DHX57: variants seen among roughly 807,000 people sequenced by gnomAD.
DHX57 encodes the protein DExH-box helicase 57, also known as putative ATP-dependent RNA helicase DHX57.
Under a neutral mutation model 156.2 loss-of-function variants are expected in DHX57, and 105 were observed. The ratio of observed to expected loss-of-function variants is 0.67; its 90% CI spans 0.57 to 0.79. DHX57 has a LOEUF of 0.79. DHX57 is among the 30% of genes least tolerant of loss of function. The pLI is 0.00. For missense variants in DHX57, 1,847 were observed against 1,661.9 expected, an observed-to-expected ratio of 1.11 and a Z score of -1.94; for synonymous variants, 704 against 595.6, an observed-to-expected ratio of 1.18 and a Z score of -2.65.
chr2:38,863,545 A>T (rs371716474), intron 2 of DHX57, 26 bp from the exon 3 acceptor site: 130 of 1,602,882 alleles, frequency 8.1e-5, no homozygotes, highest in Middle Eastern at 1.7e-4. Context: ...GAGCAAAATT[A>T]CACACATATC....
At chr2:38,836,793 A>G (rs974675338) in intron 13 of DHX57, among the ~76,000 whole-genome samples, 4 of 149,614 alleles carry the variant, frequency 2.7e-5, no homozygotes, top group Admixed American at 1.4e-4. Flanking sequence ...AAAAAAAAAA[A>G]AAAAGAAACA....
intron 22 of DHX57, among the ~76,000 whole-genome samples, chr2:38,804,414 T>G (rs1354832605): frequency 6.6e-6 from 1 of 152,062 alleles, no homozygotes; most frequent in Non-Finnish European, 1.5e-5. Flanking sequence ...CCCTTGAACC[T>G]GGGAAGTGGA....
chr2:38,873,398 T>C (rs1289788663), intron 1 of DHX57, among the ~76,000 whole-genome samples: 1 of 152,244 alleles, frequency 6.6e-6, no homozygotes, highest in Admixed American at 6.5e-5. Flanking sequence ...CTCACAAATA[T>C]GTGTATATTA....
chr2:38,837,344 C>G (rs1358354581), intron 13 of DHX57, among the ~76,000 whole-genome samples: 1 of 152,010 alleles, frequency 6.6e-6, no homozygotes, highest in Non-Finnish European at 1.5e-5. Context: ...GGCACGGTGG[C>G]TCACGCCAAT....
intron 17 of DHX57, among the ~76,000 whole-genome samples, chr2:38,820,338 T>A (rs1018358268): frequency 6.6e-6 from 1 of 151,954 alleles, no homozygotes; most frequent in Non-Finnish European, 1.5e-5. Flanking sequence ...TTTTTTTTTT[T>A]CTTCAGATCA....
intron 2 of DHX57, among the ~76,000 whole-genome samples, chr2:38,867,918 A>T (rs1665162410): frequency 6.6e-6 from 1 of 152,218 alleles, no homozygotes; most frequent in Non-Finnish European, 1.5e-5. Flanking sequence ...AATACTTAAA[A>T]TAATTTTCAT....
intron 1 of DHX57, among the ~76,000 whole-genome samples, chr2:38,875,279 G>C (rs1161369179): frequency 2.0e-5 from 3 of 152,172 alleles, no homozygotes; most frequent in Non-Finnish European, 4.4e-5. Context: ...AAGTTTGGCT[G>C]TAAGAGTATT....
chr2:38,855,180 G>A lies in DHX57; in HGVS notation c.1782C>T (p.Ala594=). ...GTCGGGGTTGGGTACAGATGATGTT[G>A]GCTACCTTCTCAGGTGGTCCATTCA... ...DSLNGPPEKV[A]NIICTQPRRI... is the part of the protein sequence containing the mutation. Residue 594 remains alanine (A), a synonymous_variant, in exon 8 of 24, where the codon GCC becomes GCT. Coordinates refer to ENST00000457308, the MANE Select transcript of DHX57 (RefSeq NM_198963.3). 1 of 1,614,106 alleles carries A rather than the reference G, an allele frequency of 6.2e-7. No individual in the cohort carries two copies. Among genetic ancestry groups the A allele is most frequent in the South Asian group, 1.1e-5 (1 of 91,082 alleles).
At chr2:38,810,525 C>T in intron 21 of DHX57, 3 of 562,354 alleles carry the variant, frequency 5.3e-6, no homozygotes, top group Non-Finnish European at 1.0e-5. Context: ...GACTGGCTGG[C>T]TCATCATTGC....
chr2:38,866,650 G>C (rs1665085940), intron 2 of DHX57, among the ~76,000 whole-genome samples: 1 of 152,162 alleles, frequency 6.6e-6, no homozygotes, highest in South Asian at 2.1e-4. Flanking sequence ...CCCTAAAACA[G>C]TGCCTGGTGC....
At chr2:38,872,804 TAATGGTAGAAC>T (rs918983402) in intron 1 of DHX57, among the ~76,000 whole-genome samples, 1 of 152,152 alleles carries the variant, frequency 6.6e-6, no homozygotes, top group Admixed American at 6.5e-5. Context: ...ACCTCACTTT[TAATGGTAGAAC>T]AACTAGACAG....
chr2:38,874,974 G>C (rs1188296423), intron 1 of DHX57, among the ~76,000 whole-genome samples: 1 of 152,138 alleles, frequency 6.6e-6, no homozygotes, highest in Non-Finnish European at 1.5e-5. Context: ...ATGCAGCCCA[G>C]GTAAATTTGT....
At chr2:38,807,373 T>C (rs1356723764) in intron 21 of DHX57, among the ~76,000 whole-genome samples, 1 of 151,978 alleles carries the variant, frequency 6.6e-6, no homozygotes, top group Non-Finnish European at 1.5e-5. Context: ...TAACTTTTTT[T>C]TTGAGACGTA....
chr2:38,836,816 G>A (rs1439463380), intron 13 of DHX57, among the ~76,000 whole-genome samples: 1 of 149,998 alleles, frequency 6.7e-6, no homozygotes, highest in Non-Finnish European at 1.5e-5. Flanking sequence ...AGAGAATACA[G>A]TATGTAATAC....
chr2:38,810,680 A>T, intron 21 of DHX57: 1 of 696,734 alleles, frequency 1.4e-6, no homozygotes, highest in Non-Finnish European at 2.6e-6. Context: ...TGGTGGGCAA[A>T]GTCACACTGA....
intron 4 of DHX57, 102 bp downstream of exon 4, chr2:38,862,043 A>C: frequency 7.3e-7 from 1 of 1,365,764 alleles, no homozygotes; most frequent in Admixed American, 2.6e-5. Flanking sequence ...GCATTGCTGG[A>C]ACCCACATAA....
At chr2:38,841,873 A>G (rs1052642939) in intron 12 of DHX57, among the ~76,000 whole-genome samples, 1 of 152,198 alleles carries the variant, frequency 6.6e-6, no homozygotes, top group Non-Finnish European at 1.5e-5. Flanking sequence ...ACCTAATAAC[A>G]TACATAAAAA....
chr2:38,835,734 C>T (rs6755221), intron 13 of DHX57, among the ~76,000 whole-genome samples: 14,428 of 152,124 alleles, frequency 0.095, 738 homozygotes, highest in Non-Finnish European at 0.1. Context: ...GAAGATGCCA[C>T]GGTTGTTATT....
At chr2:38,803,686 A>G (rs1041503724) in intron 22 of DHX57, among the ~76,000 whole-genome samples, 1 of 150,652 alleles carries the variant, frequency 6.6e-6, no homozygotes, top group African/African-American at 2.4e-5. Flanking sequence ...CAGGGATTTC[A>G]TCATGCTGGC....
Sources: allele counts gnomAD v4.1 joint callset (sites outside exome capture counted in the v4.1 genomes callset), GRCh38; gene constraint gnomAD v4.1.1; transcripts MANE v1.5; gene names NCBI Gene and HGNC (gene_info 2026-07-23, HGNC 2026-07-21).